The following DSE variants were observed in gnomAD, a reference collection of about 807,000 sequenced individuals.
DSE encodes dermatan-sulfate epimerase.
A neutral mutation model predicts 84.4 loss-of-function variants in DSE; 36 were observed. That is an observed-to-expected ratio of 0.43 (90% confidence interval 0.33 to 0.56). The LOEUF (loss-of-function observed/expected upper bound fraction) is 0.56, where lower values mean the gene tolerates loss of function less well. Among genes scored for constraint, DSE ranks in the 20% least tolerant of loss-of-function variants. The pLI, the probability that DSE is intolerant of heterozygous loss-of-function variation, is 0.06. For synonymous variants in DSE, 410 were observed against 430.1 expected (o/e 0.95, Z 0.58); for missense variants, 862 against 1,169.6 (o/e 0.74, Z 3.84).
chr6:116,403,912 T>TA (rs1044729362), intron 2 of DSE, among the ~76,000 whole-genome samples: 2 of 152,186 alleles, frequency 1.3e-5, no homozygotes, highest in Non-Finnish European at 2.9e-5. Flanking sequence ...GTTTTGCTCA[T>TA]ATGTGTATCC....
intron 2 of DSE, among the ~76,000 whole-genome samples, chr6:116,402,018 T>A (rs1405460950): frequency 6.6e-6 from 1 of 152,184 alleles, no homozygotes; most frequent in African/African-American, 2.4e-5. Context: ...AGCCAGTTAC[T>A]AAGTTATGTT....
chr6:116,370,987 T>TGGCGCGGCGGG lies in DSE; in HGVS notation c.-180_-170dup. The TGGCGCGGCGGG allele has an allele frequency of 4.1e-6, 4 of 985,082 alleles. No homozygotes were observed. The highest frequency in any genetic ancestry group is 4.8e-6 in the Non-Finnish European group (4 of 829,964). 61.0% of individuals were successfully genotyped at this position (985,082 alleles called of 1,614,324 possible). On this transcript the variant is annotated 5_prime_UTR_variant, in exon 1 of 6. An upstream open reading frame in the 5' UTR loses its in-frame stop. Coordinates refer to ENST00000644252, the MANE Select transcript of DSE (RefSeq NM_013352.4). ...GGCTGCAGCAGCGCATCCCGGGGCA[T>TGGCGCGGCGGG]GGCGCGGCGGGGGCGCGGAGGGCTC...
At chr6:116,408,991 C>T (rs1782118132) in intron 2 of DSE, among the ~76,000 whole-genome samples, 1 of 152,138 alleles carries the variant, frequency 6.6e-6, no homozygotes, top group African/African-American at 2.4e-5. Context: ...GCCAGTCTGC[C>T]AGTGTTCCAA....
In DSE at chr6:116,411,668, A is replaced by C. The variant is rs527514443; in HGVS notation, c.416+12002A>C. Reference sequence around the variant, plus strand: ...AATCTGTATGTATTGCTAATATTTTATATTAACTTCAGCATCTTCCCATTC... The same window carrying C: ...AATCTGTATGTATTGCTAATATTTTCTATTAACTTCAGCATCTTCCCATTC... On this transcript the variant is annotated intron_variant, in intron 2 of 5. Transcript: ENST00000644252. Among the ~76,000 whole-genome samples, 5 of 152,372 alleles carry C rather than the reference A, an allele frequency of 3.3e-5. No homozygotes were observed. The South Asian group carries it at 1.0e-3, about 32-fold the overall frequency.
intron 1 of DSE, chr6:116,256,653 G>C (rs1772155457): frequency 6.6e-6 from 1 of 152,098 alleles, no homozygotes; most frequent in Admixed American, 6.6e-5. Flanking sequence ...GTATAGTCCA[G>C]TTACTATCTC....
At position 116,439,216 on chromosome 6, in the gene DSE, A is replaced by G. The variant is rs1367343984; in HGVS notation, c.*1871A>G. 1 of 152,222 alleles carries G rather than the reference A, an allele frequency of 6.6e-6. No individual in the cohort carries two copies. Among genetic ancestry groups the G allele is most frequent in the Non-Finnish European group, 1.5e-5 (1 of 68,032 alleles). 9.4% of individuals were successfully genotyped at this position (152,222 alleles called of 1,614,324 possible). On this transcript the variant is annotated 3_prime_UTR_variant, in exon 6 of 6. Transcript: ENST00000644252. ...GGAAAATTATTCTTTGAGGTTACCA[A>G]GCAAACCTGATCTCAGATCCAAACT...
rs956987757 is a variant in DSE, at chr6:116,438,780, G to A, written c.*1435G>A. The A allele has an allele frequency of 6.6e-5, 10 of 152,134 alleles. No individual in the cohort carries two copies. Among genetic ancestry groups the A allele is most frequent in the African/African-American group, 2.2e-4 (9 of 41,422 alleles). 9.4% of individuals were successfully genotyped at this position (152,134 alleles called of 1,614,324 possible). A position where few individuals can be genotyped will look rare whatever the true frequency, so the allele number is the denominator to read the frequency against. ...CTCTTACTTGCTCTTTTAGTTCACA[G>A]CAATACCAGTATGTAACCAAAAGAC... On this transcript the variant is annotated 3_prime_UTR_variant, in exon 6 of 6. Transcript: ENST00000644252.
chr6:116,362,393 T>G (rs147829779), intron 2 of DSE, among the ~76,000 whole-genome samples: 215 of 152,364 alleles, frequency 1.4e-3, no homozygotes, highest in Middle Eastern at 0.01. Context: ...AATTCATATG[T>G]AAGCCCCAAC....
In DSE at chr6:116,338,175, C is replaced by CTCTT. The variant is rs1175457799; in HGVS notation, c.-53-61002_-53-60999dup. On this transcript the variant is annotated intron_variant, in intron 2 of 3. Coordinates refer to the DSE transcript ENST00000430252. ...TTTGTGCCTTCCTTTCTGTCTCTTTCTCTTTCTTTCTTTCTTTCTTTCTTC... is the reference window on the plus strand; with the variant it reads ...TTTGTGCCTTCCTTTCTGTCTCTTTCTCTTTCTTTCTTTCTTTCTTTCTTTCTTC... Among the ~76,000 whole-genome samples the CTCTT allele has an allele frequency of 8.9e-3, 1,099 of 122,880 alleles. 21 individuals carry two copies. Among genetic ancestry groups the CTCTT allele is most frequent in the South Asian group, 0.068 (243 of 3,562 alleles). The allele number at this position is 122,880 out of a possible 152,430, so 80.6% of individuals were successfully genotyped here.
chr6:116,414,996 G>A (rs546949788), intron 2 of DSE, among the ~76,000 whole-genome samples: 3 of 152,304 alleles, frequency 2.0e-5, no homozygotes, highest in African/African-American at 7.2e-5. Context: ...ATGCTAGGAT[G>A]TGGATTGCTT....
intron 2 of DSE, among the ~76,000 whole-genome samples, chr6:116,408,502 T>C (rs1724518605): frequency 6.6e-6 from 1 of 152,194 alleles, no homozygotes; most frequent in South Asian, 2.1e-4. Flanking sequence ...GAGTCTAAGC[T>C]TACTGAGAGC....
chr6:116,439,123 ACT>A lies in DSE; in HGVS notation c.*1781_*1782del, dbSNP rs894091699. On this transcript the variant is annotated 3_prime_UTR_variant, in exon 6 of 6. Coordinates refer to ENST00000644252, the MANE Select transcript of DSE (RefSeq NM_013352.4). ...ACCTCACTCAACATTCCTCTCTTTT[ACT>A]CTTTCTCACTCAAAAGGATGAACTG... 10 of 151,960 alleles carry A rather than the reference ACT, an allele frequency of 6.6e-5. No individual in the cohort carries two copies. The highest frequency in any genetic ancestry group is 2.4e-4 in the African/African-American group (10 of 41,348). The allele number at this position is 151,960 out of a possible 1,614,324, so 9.4% of individuals were successfully genotyped here.
At position 116,381,749 on chromosome 6, in the gene DSE, A is replaced by G. The variant is rs79925457; in HGVS notation, c.-54+10628A>G. Among the ~76,000 whole-genome samples, 6 of 152,242 alleles carry G rather than the reference A, an allele frequency of 3.9e-5. No individual in the cohort carries two copies. The East Asian group carries it at 1.2e-3, about 29-fold the overall frequency. ...TGGTGTAGATACTGTAAGAATTACAATGTTTACTTTAGAAATGAGAAAATT... is the reference window on the plus strand; with the variant it reads ...TGGTGTAGATACTGTAAGAATTACAGTGTTTACTTTAGAAATGAGAAAATT... On this transcript the variant is annotated intron_variant, in intron 1 of 5. Transcript: ENST00000644252.
intron 2 of DSE, among the ~76,000 whole-genome samples, chr6:116,326,357 C>G (rs890587244): frequency 6.6e-6 from 1 of 151,928 alleles, no homozygotes; most frequent in African/African-American, 2.4e-5. Context: ...TCCCCCACCC[C>G]CCACCAAAAA....
At chr6:116,413,763 G>T (rs3798407) in intron 2 of DSE, among the ~76,000 whole-genome samples, 96,130 of 151,996 alleles carry the variant, frequency 0.63, 31,279 homozygotes, top group Admixed American at 0.71. Context: ...TATATTAACC[G>T]TACTCTAAGA....
chr6:116,333,992 T>C (rs1777099207), intron 2 of DSE, among the ~76,000 whole-genome samples: 1 of 152,110 alleles, frequency 6.6e-6, no homozygotes, highest in African/African-American at 2.4e-5. Flanking sequence ...CTCCAAAATA[T>C]TGCAATATGT....
chr6:116,416,989 C>A (rs1782756557), intron 2 of DSE, among the ~76,000 whole-genome samples: 1 of 152,248 alleles, frequency 6.6e-6, no homozygotes, highest in African/African-American at 2.4e-5. Flanking sequence ...TGGTTATTCC[C>A]TCCTATTGCC....
At chr6:116,430,867 A>G in intron 3 of DSE, 87 bp from the exon 4 acceptor site, 3 of 1,540,164 alleles carry the variant, frequency 1.9e-6, no homozygotes, top group Non-Finnish European at 8.7e-7. Context: ...AACTAGTTAG[A>G]TAACTCAGAG....
chr6:116,396,142 G>A (rs1031763809), intron 1 of DSE, among the ~76,000 whole-genome samples: 1 of 152,154 alleles, frequency 6.6e-6, no homozygotes, highest in African/African-American at 2.4e-5. Flanking sequence ...CAACAGCTAA[G>A]CCCAGGGATT....
Sources: gnomAD v4.1 joint callset for allele counts (sites outside exome capture counted in the v4.1 genomes callset) on GRCh38, gnomAD v4.1.1 for gene constraint, MANE v1.5 for transcripts, NCBI Gene and HGNC (gene_info 2026-07-23, HGNC 2026-07-21) for gene names.